The following LRP1B variants were observed in gnomAD, a reference collection of about 807,000 sequenced individuals.
LRP1B encodes low-density lipoprotein receptor-related protein 1B.
Under a neutral mutation model 556.6 loss-of-function variants are expected in LRP1B, and 217 were observed. That is an observed-to-expected ratio of 0.39 (90% CI 0.35 to 0.44). The LOEUF is 0.44. LRP1B is among the 20% of genes least tolerant of loss of function. The pLI, the probability that LRP1B is intolerant of heterozygous loss-of-function variation, is 1.00. For synonymous variants in LRP1B, 2,047 were observed against 1,865.8 expected, an observed-to-expected ratio of 1.10 and a Z score of -2.50; for missense variants, 5,053 against 5,620.8, an observed-to-expected ratio of 0.90 and a Z score of 3.23.
In LRP1B at chr2:140,450,664, TAAAAAAGA is replaced by T. The variant is rs1558891139; in HGVS notation, c.9964-11_9964-4del. The T allele has an allele frequency of 4.4e-6, 7 of 1,593,558 alleles. No individual in the cohort carries two copies. Among genetic ancestry groups the T allele is most frequent in the East Asian group, 2.2e-5 (1 of 44,704 alleles). On this transcript the variant is annotated splice_region_variant and splice_polypyrimidine_tract_variant and intron_variant, in intron 62 of 90. Transcript: ENST00000389484. ...CATTTGTCAGTTTTGCAACGAAACT[TAAAAAAGA>T]AAAAAAGAAAAAAAAATGTTGAAGA...
chr2:141,031,965 T>A (rs1698386133), intron 11 of LRP1B, among the ~76,000 whole-genome samples: 1 of 151,982 alleles, frequency 6.6e-6, no homozygotes, highest in African/African-American at 2.4e-5. Flanking sequence ...ATAATCACAT[T>A]TCTTTGTTAT....
At chr2:141,798,191 G>A (rs1386334755) in intron 2 of LRP1B, among the ~76,000 whole-genome samples, 6 of 152,122 alleles carry the variant, frequency 3.9e-5, no homozygotes, top group South Asian at 2.1e-4. Flanking sequence ...AAATGTATGC[G>A]TGATGTGAAC....
At chr2:140,943,430 T>A (rs151118490) in intron 20 of LRP1B, among the ~76,000 whole-genome samples, 1 of 152,056 alleles carries the variant, frequency 6.6e-6, no homozygotes, top group African/African-American at 2.4e-5. Flanking sequence ...TTAGATTTAA[T>A]AGACATCTAC....
chr2:141,726,056 A>AT (rs557732876), intron 2 of LRP1B, among the ~76,000 whole-genome samples: 1 of 151,670 alleles, frequency 6.6e-6, no homozygotes, highest in African/African-American at 2.4e-5. Context: ...AAAAAATGTG[A>AT]TTTTTTTAAA....
intron 1 of LRP1B, among the ~76,000 whole-genome samples, chr2:142,013,074 C>T (rs1372748811): frequency 6.6e-6 from 1 of 152,170 alleles, no homozygotes; most frequent in African/African-American, 2.4e-5. Flanking sequence ...TAGTTACCTT[C>T]TATGTGTCAA....
At chr2:141,176,444 A>G (rs1256402098) in intron 7 of LRP1B, among the ~76,000 whole-genome samples, 1 of 151,830 alleles carries the variant, frequency 6.6e-6, no homozygotes, top group Non-Finnish European at 1.5e-5. Flanking sequence ...AGTGTGTGGC[A>G]TTTTCTCCCC....
chr2:140,392,917 G>T (rs1401116), intron 66 of LRP1B, among the ~76,000 whole-genome samples: 27,392 of 150,750 alleles, frequency 0.18, 2,926 homozygotes, highest in African/African-American at 0.3. Flanking sequence ...TTATATGTAG[G>T]CCTTTCATAT....
intron 2 of LRP1B, among the ~76,000 whole-genome samples, chr2:141,780,607 G>A (rs1185903427): frequency 6.6e-6 from 1 of 152,210 alleles, no homozygotes; most frequent in Non-Finnish European, 1.5e-5. Flanking sequence ...ACTGGACTTG[G>A]AAGAGCTACA....
At chr2:141,809,054 C>G (rs902549381) in intron 2 of LRP1B, among the ~76,000 whole-genome samples, 1 of 152,014 alleles carries the variant, frequency 6.6e-6, no homozygotes, top group Non-Finnish European at 1.5e-5. Context: ...TATAAGGAAT[C>G]TAGTAAAGAG....
chr2:140,517,776 T>A (rs190155979), intron 49 of LRP1B, among the ~76,000 whole-genome samples: 1 of 141,346 alleles, frequency 7.1e-6, no homozygotes, highest in East Asian at 2.2e-4. Flanking sequence ...AGTGGCACAA[T>A]CTTGGCTCAC....
intron 1 of LRP1B, among the ~76,000 whole-genome samples, chr2:142,076,403 T>A (rs1319802848): frequency 6.6e-6 from 1 of 152,132 alleles, no homozygotes; most frequent in Non-Finnish European, 1.5e-5. Flanking sequence ...GAAACATCCA[T>A]GAATTTCGAG....
At chr2:141,440,390 G>T (rs1680918616) in intron 3 of LRP1B, among the ~76,000 whole-genome samples, 1 of 152,164 alleles carries the variant, frequency 6.6e-6, no homozygotes, top group Non-Finnish European at 1.5e-5. Context: ...GTTGAAAATG[G>T]CCACGCCCTG....
At chr2:140,338,423 A>C (rs1053061008) in intron 77 of LRP1B, among the ~76,000 whole-genome samples, 2 of 151,748 alleles carry the variant, frequency 1.3e-5, no homozygotes, top group Admixed American at 6.6e-5. Context: ...AGAAAGGAGC[A>C]GAGGAGGAAG....
At chr2:141,919,852 C>A (rs1375076847) in intron 1 of LRP1B, among the ~76,000 whole-genome samples, 1 of 151,924 alleles carries the variant, frequency 6.6e-6, no homozygotes, top group Non-Finnish European at 1.5e-5. Flanking sequence ...TCTATGTGAA[C>A]TTTGATTATG....
intron 1 of LRP1B, among the ~76,000 whole-genome samples, chr2:141,942,640 A>G (rs1341131667): frequency 1.3e-5 from 2 of 152,232 alleles, no homozygotes; most frequent in Admixed American, 6.5e-5. Context: ...CAGTTTGTCA[A>G]TAAATTTCCT....
At chr2:140,737,145 G>A (rs545358606) in intron 35 of LRP1B, among the ~76,000 whole-genome samples, 2 of 152,214 alleles carry the variant, frequency 1.3e-5, no homozygotes, top group East Asian at 1.9e-4. Context: ...AGACCTAAAT[G>A]AATTTTTAGT....
At chr2:140,740,155 C>G (rs1353349638) in intron 35 of LRP1B, among the ~76,000 whole-genome samples, 1 of 152,162 alleles carries the variant, frequency 6.6e-6, no homozygotes, top group Non-Finnish European at 1.5e-5. Context: ...TCTGATCCAG[C>G]AACCCCACTC....
chr2:141,860,484 G>A (rs148638349), intron 1 of LRP1B, among the ~76,000 whole-genome samples: 54 of 152,148 alleles, frequency 3.5e-4, no homozygotes, highest in Admixed American at 9.2e-4. Flanking sequence ...ACCTTTACTA[G>A]TTCTTCCTCC....
At chr2:141,939,146 C>CA (rs150824888) in intron 1 of LRP1B, among the ~76,000 whole-genome samples, 116 of 149,058 alleles carry the variant, frequency 7.8e-4, no homozygotes, top group East Asian at 1.8e-3. Context: ...GCTTATACTA[C>CA]AAAAAAAAAC....
Sources: gnomAD v4.1 joint callset for allele counts (sites outside exome capture counted in the v4.1 genomes callset) on GRCh38, gnomAD v4.1.1 for gene constraint, MANE v1.5 for transcripts, NCBI Gene and HGNC (gene_info 2026-07-23, HGNC 2026-07-21) for gene names.